COMMD1: variants seen among roughly 807,000 people sequenced by gnomAD.
COMMD1 encodes COMM domain-containing protein 1.
In COMMD1, 10 loss-of-function variants were observed where a neutral mutation model predicts 17.2. That is an observed-to-expected ratio of 0.58 (90% CI 0.36 to 0.99). The LOEUF (loss-of-function observed/expected upper bound fraction) is 0.99. Among genes scored for constraint, COMMD1 ranks in the 50% least tolerant of loss-of-function variants. The probability of loss-of-function intolerance (pLI) is 0.01; values close to 1 mark genes in which losing one functional copy is unlikely to be tolerated. For synonymous variants in COMMD1, 97 were observed against 91.6 expected (o/e 1.06, Z -0.34); for missense variants, 270 against 231.8 (o/e 1.17, Z -1.07).
At chr2:61,921,750 G>C (rs1028396779) in intron 1 of COMMD1, among the ~76,000 whole-genome samples, 2 of 152,100 alleles carry the variant, frequency 1.3e-5, no homozygotes, top group African/African-American at 4.8e-5. Context: ...GCCCAACCCA[G>C]TATTATTTTG....
intron 1 of COMMD1, among the ~76,000 whole-genome samples, chr2:61,928,158 CTATTTATT>C (rs998835832): frequency 6.6e-6 from 1 of 151,558 alleles, no homozygotes; most frequent in Non-Finnish European, 1.5e-5. Flanking sequence ...AAGCAGGGAG[CTATTTATT>C]TATTTATTTA....
At chr2:62,083,980 G>C (rs1671593579) in intron 2 of COMMD1, among the ~76,000 whole-genome samples, 1 of 152,146 alleles carries the variant, frequency 6.6e-6, no homozygotes. Flanking sequence ...TGAAATTCTG[G>C]CTTCTAAAAA....
chr2:61,943,279 A>G (rs1670801404), intron 1 of COMMD1, among the ~76,000 whole-genome samples: 1 of 152,174 alleles, frequency 6.6e-6, no homozygotes, highest in Non-Finnish European at 1.5e-5. Flanking sequence ...TTACACAACC[A>G]CTTTCAAGTA....
intron 2 of COMMD1, among the ~76,000 whole-genome samples, chr2:62,048,213 C>T (rs373795246): frequency 6.5e-5 from 9 of 137,740 alleles, no homozygotes; most frequent in African/African-American, 2.3e-4. Flanking sequence ...GATGGAGTCT[C>T]GCTCTGTCGC....
chr2:61,956,211 C>T (rs904922804), intron 1 of COMMD1, among the ~76,000 whole-genome samples: 2 of 152,174 alleles, frequency 1.3e-5, no homozygotes, highest in African/African-American at 4.8e-5. Context: ...GTCCCAGTCC[C>T]ATTTGTCCAA....
At chr2:62,038,350 G>C (rs1282389000) in intron 2 of COMMD1, among the ~76,000 whole-genome samples, 1 of 152,014 alleles carries the variant, frequency 6.6e-6, no homozygotes, top group Non-Finnish European at 1.5e-5. Flanking sequence ...GAATCAAAAT[G>C]TATTAAGTAA....
intron 2 of COMMD1, among the ~76,000 whole-genome samples, chr2:62,041,279 CTTGAT>C (rs1307387048): frequency 6.6e-6 from 1 of 151,988 alleles, no homozygotes; most frequent in Non-Finnish European, 1.5e-5. Flanking sequence ...TCATGAATCT[CTTGAT>C]TTGTTAATAA....
At chr2:61,989,404 C>G (rs1408866292) in intron 1 of COMMD1, among the ~76,000 whole-genome samples, 1 of 151,882 alleles carries the variant, frequency 6.6e-6, no homozygotes, top group African/African-American at 2.4e-5. Flanking sequence ...GTCCAAAAAT[C>G]TCTGGGATCC....
At chr2:62,001,753 TCTTA>T (rs1668949359) in intron 2 of COMMD1, among the ~76,000 whole-genome samples, 1 of 152,246 alleles carries the variant, frequency 6.6e-6, no homozygotes, top group African/African-American at 2.4e-5. Context: ...GAAATTTATT[TCTTA>T]CTTGATGAGC....
intron 2 of COMMD1, among the ~76,000 whole-genome samples, chr2:62,103,537 A>G (rs1407105417): frequency 2.0e-5 from 3 of 152,232 alleles, no homozygotes; most frequent in Non-Finnish European, 2.9e-5. Context: ...TTTTAGGTGT[A>G]GACCGTATAT....
chr2:61,997,413 T>G (rs775293713), intron 1 of COMMD1, among the ~76,000 whole-genome samples: 3 of 152,120 alleles, frequency 2.0e-5, no homozygotes. Flanking sequence ...AATTACTTCT[T>G]GATCCGTGGT....
chr2:62,027,424 C>T (rs1201942818), intron 2 of COMMD1, among the ~76,000 whole-genome samples: 1 of 152,024 alleles, frequency 6.6e-6, no homozygotes, highest in East Asian at 1.9e-4. Context: ...AGTAACATGC[C>T]CTACATAGGG....
upstream of COMMD1, among the ~76,000 whole-genome samples, chr2:61,901,575 A>T (rs1347527851): frequency 7.9e-5 from 12 of 152,038 alleles, no homozygotes; most frequent in Admixed American, 4.6e-4. Context: ...GTGAGTAGAG[A>T]TCCTGCCATT....
At chr2:62,053,656 GA>G (rs1670604306) in intron 2 of COMMD1, among the ~76,000 whole-genome samples, 1 of 152,164 alleles carries the variant, frequency 6.6e-6, no homozygotes, top group African/African-American at 2.4e-5. Flanking sequence ...AGAACATCTG[GA>G]AACACATTTG....
chr2:62,084,521 T>TG lies in COMMD1; in HGVS notation c.463-51308dup, dbSNP rs1671607041. Among the ~76,000 whole-genome samples the TG allele has an allele frequency of 3.9e-5, 6 of 152,092 alleles. No homozygotes were observed. In the South Asian group the frequency reaches 1.2e-3, roughly 32 times the overall value. ...AGCGTTGATCTTGCTGTTGTAGGGG[T>TG]GGCAGAGGGGGAAGAAAATTTGCGT... On this transcript the variant is annotated intron_variant, in intron 2 of 2. Coordinates refer to ENST00000311832, the MANE Select transcript of COMMD1 (RefSeq NM_152516.4).
intron 2 of COMMD1, among the ~76,000 whole-genome samples, chr2:62,063,172 G>A (rs927167971): frequency 3.3e-5 from 5 of 151,994 alleles, no homozygotes; most frequent in African/African-American, 7.2e-5. Flanking sequence ...AGCCGAGATC[G>A]CACCACTGCA....
rs187189794 is a variant in COMMD1, at chr2:61,978,585, A to G, written c.181-22116A>G. 5.2e-3 allele frequency among the ~76,000 whole-genome samples: 796 copies of G among 152,294 alleles called. 8 individuals carry two copies. The highest frequency in any genetic ancestry group is 9.0e-3 in the Non-Finnish European group (611 of 68,016). On this transcript the variant is annotated intron_variant, in intron 1 of 2. Transcript: ENST00000311832. The stretch of plus-strand genomic sequence containing the variant: ...AATCTGAACTGTAGGCAGTGCTAAG[A>G]GGAAAAGTTCCTCTCCTTAAGGTGT...
At chr2:62,020,351 A>G (rs1669578235) in intron 2 of COMMD1, among the ~76,000 whole-genome samples, 1 of 152,206 alleles carries the variant, frequency 6.6e-6, no homozygotes, top group Admixed American at 6.5e-5. Flanking sequence ...ATAATTCATT[A>G]TGGCTCTTAG....
chr2:62,058,255 G>T (rs1670763733), intron 2 of COMMD1, among the ~76,000 whole-genome samples: 1 of 152,192 alleles, frequency 6.6e-6, no homozygotes, highest in South Asian at 2.1e-4. Flanking sequence ...CTGTTCACAT[G>T]ATCTATGTCC....
Sources: gnomAD v4.1 joint callset for allele counts (sites outside exome capture counted in the v4.1 genomes callset) on GRCh38, gnomAD v4.1.1 for gene constraint, MANE v1.5 for transcripts, NCBI Gene and HGNC (gene_info 2026-07-23, HGNC 2026-07-21) for gene names.